CSMD3: variants seen among roughly 807,000 people sequenced by gnomAD.
CSMD3 encodes the protein CUB and Sushi multiple domains 3, also known as CUB and sushi domain-containing protein 3.
In CSMD3, 177 loss-of-function variants were observed where a neutral mutation model predicts 435.2. The ratio of observed to expected loss-of-function variants is 0.41; its 90% CI spans 0.36 to 0.46. The LOEUF is 0.46. Ranked by LOEUF, CSMD3 falls within the 20% of genes least tolerant of loss-of-function variation. The probability of loss-of-function intolerance (pLI) is 0.34; values close to 1 mark genes in which losing one functional copy is unlikely to be tolerated. For synonymous variants in CSMD3, 1,656 were observed against 1,520.5 expected (o/e 1.09, Z -2.07); for missense variants, 4,265 against 4,504.6 (o/e 0.95, Z 1.52).
chr8:112,340,698 T>C (rs1825006922), intron 42 of CSMD3, among the ~76,000 whole-genome samples: 1 of 152,130 alleles, frequency 6.6e-6, no homozygotes, highest in Admixed American at 6.6e-5. Context: ...TATACACATA[T>C]AAGACATGAA....
intron 32 of CSMD3, among the ~76,000 whole-genome samples, chr8:112,417,088 C>G (rs1035962473): frequency 6.6e-6 from 1 of 152,138 alleles, no homozygotes; most frequent in Non-Finnish European, 1.5e-5. Flanking sequence ...GACAAGCCCT[C>G]TTTGTTGCAT....
chr8:112,970,455 A>G (rs2084608991), intron 7 of CSMD3, among the ~76,000 whole-genome samples: 1 of 151,070 alleles, frequency 6.6e-6, no homozygotes, highest in East Asian at 1.9e-4. Flanking sequence ...TAAGGCAGTA[A>G]ATTATTCTGA....
chr8:112,265,314 A>C, intron 60 of CSMD3, 97 bp downstream of exon 60: 1 of 813,998 alleles, frequency 1.2e-6, no homozygotes, highest in Non-Finnish European at 1.8e-6. Flanking sequence ...ACCTGGAACT[A>C]AAAAATTTTA....
At chr8:112,794,245 C>A (rs1330854473) in intron 13 of CSMD3, among the ~76,000 whole-genome samples, 1 of 150,680 alleles carries the variant, frequency 6.6e-6, no homozygotes, top group Non-Finnish European at 1.5e-5. Context: ...TTCTTTTACC[C>A]AGAAACTATA....
rs776620657 is a variant in CSMD3 at position 113,173,699 on chromosome 8, T to C, written c.709+23A>G. The C allele has an allele frequency of 8.3e-6, 13 of 1,565,214 alleles. No individual in the cohort carries two copies. Among genetic ancestry groups the C allele is most frequent in the African/African-American group, 1.4e-5 (1 of 73,762 alleles). On this transcript the variant is annotated intron_variant, in intron 4 of 70. Coordinates refer to ENST00000297405, the MANE Select transcript of CSMD3 (RefSeq NM_198123.2). ...ATACACTGGCTGATAACAACTCTCATTTTTAAAGTGTTTTCATTTTACCTC... is the reference window on the plus strand; with the variant it reads ...ATACACTGGCTGATAACAACTCTCACTTTTAAAGTGTTTTCATTTTACCTC...
intron 45 of CSMD3, among the ~76,000 whole-genome samples, chr8:112,323,954 C>A (rs1823249887): frequency 6.6e-6 from 1 of 152,072 alleles, no homozygotes; most frequent in African/African-American, 2.4e-5. Context: ...GCCCTACTCA[C>A]ACAGCCAGAA....
intron 38 of CSMD3, among the ~76,000 whole-genome samples, chr8:112,359,871 T>TG (rs777552552): frequency 9.9e-5 from 15 of 152,064 alleles, no homozygotes; most frequent in East Asian, 7.7e-4. Context: ...TAGGAAAACT[T>TG]GGTTACTATT....
intron 66 of CSMD3, among the ~76,000 whole-genome samples, chr8:112,239,424 T>C (rs1224863935): frequency 6.6e-6 from 1 of 152,104 alleles, no homozygotes; most frequent in Non-Finnish European, 1.5e-5. Flanking sequence ...TTTCTCCCTT[T>C]ATAATATCTT....
chr8:112,911,272 A>T (rs373338936), intron 10 of CSMD3, among the ~76,000 whole-genome samples: 1 of 42,870 alleles, frequency 2.3e-5, no homozygotes, highest in Non-Finnish European at 4.2e-5. Flanking sequence ...AAATATCTCC[A>T]GCTTATTAAG....
chr8:112,386,400 C>T (rs1829953303), intron 36 of CSMD3, among the ~76,000 whole-genome samples: 1 of 152,024 alleles, frequency 6.6e-6, no homozygotes, highest in Non-Finnish European at 1.5e-5. Flanking sequence ...CAGAATTTGG[C>T]CAGAAGAACT....
At chr8:112,225,480 G>T (rs1260826335) in intron 70 of CSMD3, among the ~76,000 whole-genome samples, 15 of 152,060 alleles carry the variant, frequency 9.9e-5, no homozygotes, top group Admixed American at 9.8e-4. Context: ...AAGGAAAATG[G>T]TTAATATGAA....
intron 31 of CSMD3, among the ~76,000 whole-genome samples, chr8:112,489,387 T>C (rs1820456917): frequency 6.6e-6 from 1 of 152,220 alleles, no homozygotes; most frequent in Non-Finnish European, 1.5e-5. Context: ...ATTGCACCAC[T>C]ATACTCCAGC....
At chr8:113,388,787 T>C (rs930054779) in intron 1 of CSMD3, among the ~76,000 whole-genome samples, 4 of 151,596 alleles carry the variant, frequency 2.6e-5, no homozygotes, top group Admixed American at 6.6e-5. Context: ...CTTTTCACAA[T>C]TTTAGCTTTA....
At chr8:112,697,412 T>C (rs2076282892) in intron 13 of CSMD3, among the ~76,000 whole-genome samples, 1 of 152,028 alleles carries the variant, frequency 6.6e-6, no homozygotes, top group Admixed American at 6.6e-5. Flanking sequence ...AAAGGATGAG[T>C]TCATGTCCTT....
intron 1 of CSMD3, among the ~76,000 whole-genome samples, chr8:113,321,836 T>C (rs2093951332): frequency 1.3e-5 from 2 of 152,166 alleles, no homozygotes; most frequent in Admixed American, 1.3e-4. Context: ...CTTGTAAATT[T>C]CACATTGATT....
In CSMD3 at chr8:112,223,000, T is replaced by C. The variant is rs1586433948; in HGVS notation, c.*1771A>G. 1.8e-5 allele frequency: 7 copies of C among 397,998 alleles called. No individual in the cohort carries two copies. The East Asian group carries it at 2.5e-4, about 14-fold the overall frequency. The allele number at this position is 397,998 out of a possible 1,614,324, so 24.7% of individuals were successfully genotyped here. A position where few individuals can be genotyped will look rare whatever the true frequency, so the allele number is the denominator to read the frequency against. ...AAATTTACATCATACTTTTACAAAGTTTCTTTTCATAAAAATATACTTCTT... is the reference window on the plus strand; with the variant it reads ...AAATTTACATCATACTTTTACAAAGCTTCTTTTCATAAAAATATACTTCTT... On this transcript the variant is annotated 3_prime_UTR_variant, in exon 71 of 71. Coordinates refer to ENST00000297405, the MANE Select transcript of CSMD3 (RefSeq NM_198123.2).
rs1300369089 is a variant in CSMD3, at chr8:112,420,403, C to T, written c.5396-11371G>A. ...AATAGCCACAATATAATTACCAGAT[C>T]TAACAAATTTAATGATAATTTCTTT... On this transcript the variant is annotated intron_variant, in intron 32 of 70. Coordinates refer to ENST00000297405, the MANE Select transcript of CSMD3 (RefSeq NM_198123.2). Among the ~76,000 whole-genome samples the T allele has an allele frequency of 2.0e-5, 3 of 152,090 alleles. 1 individual carries two copies. Among genetic ancestry groups the T allele is most frequent in the Admixed American group, 2.0e-4 (3 of 15,256 alleles).
At chr8:112,272,339 T>C (rs1309221599) in intron 59 of CSMD3, among the ~76,000 whole-genome samples, 1 of 152,186 alleles carries the variant, frequency 6.6e-6, no homozygotes. Flanking sequence ...CAAATTCATA[T>C]AGTAACTGGC....
chr8:113,066,254 G>T (rs1254239125), intron 5 of CSMD3, among the ~76,000 whole-genome samples: 2 of 151,906 alleles, frequency 1.3e-5, no homozygotes, highest in Non-Finnish European at 2.9e-5. Flanking sequence ...ACAGTATATT[G>T]TTCTGAGGAC....
Sources: allele counts gnomAD v4.1 joint callset (sites outside exome capture counted in the v4.1 genomes callset), GRCh38; gene constraint gnomAD v4.1.1; transcripts MANE v1.5; gene names NCBI Gene and HGNC (gene_info 2026-07-23, HGNC 2026-07-21).